The following DLGAP4 variants were observed in gnomAD, a reference collection of about 807,000 sequenced individuals.
DLGAP4 encodes the protein disks large-associated protein 4.
DLGAP4 carries 18 observed loss-of-function variants against 86.9 expected under a neutral mutation model. That is an observed-to-expected ratio of 0.21 (90% CI 0.14 to 0.31). The LOEUF (loss-of-function observed/expected upper bound fraction) is 0.31. Ranked by LOEUF, DLGAP4 falls within the 10% of genes least tolerant of loss-of-function variation. The pLI is 1.00. For missense variants in DLGAP4, 1,085 were observed against 1,362.6 expected (o/e 0.80, Z 3.21); for synonymous variants, 548 against 574.3 (o/e 0.95, Z 0.65).
intron 1 of DLGAP4, among the ~76,000 whole-genome samples, chr20:36,317,672 G>A (rs1205815865): frequency 2.6e-5 from 4 of 151,714 alleles, no homozygotes; most frequent in Non-Finnish European, 5.9e-5. Context: ...GCCCAGGCTG[G>A]TCTTGAACTC....
intron 3 of DLGAP4, among the ~76,000 whole-genome samples, chr20:36,433,640 T>G (rs996424598): frequency 1.3e-5 from 2 of 151,686 alleles, no homozygotes; most frequent in Non-Finnish European, 2.9e-5. Context: ...GGAACTCTGA[T>G]GAGTATTTCT....
intron 7 of DLGAP4, among the ~76,000 whole-genome samples, chr20:36,478,909 C>G (rs755095569): frequency 6.6e-6 from 1 of 152,132 alleles, no homozygotes; most frequent in Non-Finnish European, 1.5e-5. Context: ...AGGTTAGGAC[C>G]TCAGATGGTG....
Position 36,442,878 on chromosome 20 carries a change from C to T in DLGAP4, c.1407+101C>T, listed in dbSNP as rs1354034258. On this transcript the variant is annotated intron_variant, in intron 6 of 12. Transcript: ENST00000339266. ...TCCCAGCACCCGGCCCAGGCTGGTA[C>T]AAGCAGAGCCATCACCAGGAAAGCC... The T allele has an allele frequency of 9.4e-6, 14 of 1,486,838 alleles. No homozygotes were observed. The East Asian group carries it at 2.5e-4, about 26-fold the overall frequency. 92.1% of individuals were successfully genotyped at this position (1,486,838 alleles called of 1,614,324 possible). A position where few individuals can be genotyped will look rare whatever the true frequency, so the allele number is the denominator to read the frequency against.
intron 7 of DLGAP4, among the ~76,000 whole-genome samples, chr20:36,495,635 T>G (rs955524859): frequency 1.3e-5 from 2 of 152,226 alleles, no homozygotes; most frequent in Non-Finnish European, 2.9e-5. Flanking sequence ...GGTCAGCCCC[T>G]GGCTGGGGTC....
At chr20:36,477,137 C>T (rs901880901) in intron 7 of DLGAP4, among the ~76,000 whole-genome samples, 2 of 151,450 alleles carry the variant, frequency 1.3e-5, no homozygotes, top group African/African-American at 2.4e-5. Flanking sequence ...GTCTCTGTCA[C>T]CCAGCTTGGA....
chr20:36,372,432 C>CCACCTCCCTCCCCAT (rs1372442148), intron 2 of DLGAP4, among the ~76,000 whole-genome samples: 7 of 152,122 alleles, frequency 4.6e-5, no homozygotes, highest in Non-Finnish European at 7.3e-5. Context: ...TCTCTCCCCA[C>CCACCTCCCTCCCCAT]CACCTCCCTC....
chr20:36,511,654 C>T (rs1392227174), intron 10 of DLGAP4, among the ~76,000 whole-genome samples: 4 of 151,994 alleles, frequency 2.6e-5, no homozygotes, highest in Admixed American at 2.6e-4. Flanking sequence ...GTAGGCAGAT[C>T]ATTTGAGGTC....
intron 10 of DLGAP4, among the ~76,000 whole-genome samples, chr20:36,516,319 G>T (rs889786185): frequency 2.0e-5 from 3 of 152,146 alleles, no homozygotes; most frequent in Non-Finnish European, 4.4e-5. Flanking sequence ...CCTGATCCTA[G>T]TATAACTTGT....
chr20:36,404,048 C>T (rs1191804103), intron 2 of DLGAP4, among the ~76,000 whole-genome samples: 3 of 152,168 alleles, frequency 2.0e-5, no homozygotes, highest in East Asian at 1.9e-4. Context: ...GTTAGTTACC[C>T]GGGTCAACCC....
At chr20:36,357,241 C>G (rs2030360684) in intron 1 of DLGAP4, among the ~76,000 whole-genome samples, 1 of 152,150 alleles carries the variant, frequency 6.6e-6, no homozygotes, top group African/African-American at 2.4e-5. Flanking sequence ...TGCAGAAGTT[C>G]CCAAACATGG....
intron 8 of DLGAP4, chr20:36,497,476 G>A (rs758318302): frequency 3.6e-5 from 37 of 1,024,486 alleles, no homozygotes; most frequent in East Asian, 9.2e-5. Flanking sequence ...CCATAGCCCC[G>A]CTTGGCGGCA....
intron 2 of DLGAP4, among the ~76,000 whole-genome samples, chr20:36,390,257 C>A (rs1175230831): frequency 6.6e-6 from 1 of 152,126 alleles, no homozygotes; most frequent in Non-Finnish European, 1.5e-5. Flanking sequence ...GCGTCGTCCA[C>A]AGCCTGTTAC....
At chr20:36,328,801 G>A (rs1476997556) in intron 1 of DLGAP4, among the ~76,000 whole-genome samples, 1 of 149,936 alleles carries the variant, frequency 6.7e-6, no homozygotes, top group Non-Finnish European at 1.5e-5. Context: ...TCTTAAGACG[G>A]AGTCTCTCTC....
intron 7 of DLGAP4, among the ~76,000 whole-genome samples, chr20:36,454,967 G>A (rs190428319): frequency 2.0e-4 from 31 of 152,300 alleles, no homozygotes; most frequent in African/African-American, 4.8e-4. Context: ...ACTGGCAGGC[G>A]GGGTCAGCTC....
intron 2 of DLGAP4, among the ~76,000 whole-genome samples, chr20:36,425,373 A>G (rs2032945677): frequency 6.6e-6 from 1 of 152,254 alleles, no homozygotes; most frequent in Non-Finnish European, 1.5e-5. Context: ...TCAAAGCCAC[A>G]GGGAGATACC....
chr20:36,359,678 A>C lies in DLGAP4; in HGVS notation c.-303-7367A>C, dbSNP rs552001818. On this transcript the variant is annotated intron_variant, in intron 1 of 12. Coordinates refer to ENST00000339266, the MANE Select transcript of DLGAP4 (RefSeq NM_001365621.2). Reference sequence around the variant, plus strand: ...GAGAAAGCTAGGTAAAGGGCTTCCCAGTTGGTACTGCGTGCAAGGACCTGC... The same window carrying C: ...GAGAAAGCTAGGTAAAGGGCTTCCCCGTTGGTACTGCGTGCAAGGACCTGC... Among the ~76,000 whole-genome samples the C allele has an allele frequency of 7.2e-5, 11 of 152,296 alleles. No individual in the cohort carries two copies. The East Asian group carries it at 2.1e-3, about 29-fold the overall frequency.
chr20:36,363,235 G>A (rs2030577557), intron 1 of DLGAP4, among the ~76,000 whole-genome samples: 3 of 152,246 alleles, frequency 2.0e-5, no homozygotes, highest in African/African-American at 7.2e-5. Context: ...AGGGCAAAAG[G>A]AGCAGGTGGG....
At chr20:36,356,933 T>C (rs782395260) in intron 1 of DLGAP4, among the ~76,000 whole-genome samples, 1 of 152,206 alleles carries the variant, frequency 6.6e-6, no homozygotes, top group Non-Finnish European at 1.5e-5. Flanking sequence ...ATTGATTTTT[T>C]AGTCTACGTG....
chr20:36,428,352 T>C (rs975129350), intron 2 of DLGAP4, among the ~76,000 whole-genome samples: 8 of 152,204 alleles, frequency 5.3e-5, no homozygotes, highest in African/African-American at 1.7e-4. Context: ...ACAGCTCAGA[T>C]CTAGGGGAAG....
Sources: gnomAD v4.1 joint callset for allele counts (sites outside exome capture counted in the v4.1 genomes callset) on GRCh38, gnomAD v4.1.1 for gene constraint, MANE v1.5 for transcripts, NCBI Gene and HGNC (gene_info 2026-07-23, HGNC 2026-07-21) for gene names.